The following FRMD4A variants were observed in gnomAD, a reference collection of about 807,000 sequenced individuals.
FRMD4A encodes FERM domain containing 4A, also known as FERM domain-containing protein 4A.
FRMD4A carries 29 observed loss-of-function variants against 129.1 expected under a neutral mutation model. The observed-to-expected ratio is 0.22, with a 90% CI of 0.17 to 0.31. FRMD4A has a LOEUF of 0.31. FRMD4A is among the 10% of genes least tolerant of loss of function. FRMD4A has a pLI of 1.00. For missense variants in FRMD4A, 1,272 were observed against 1,375.8 expected, an observed-to-expected ratio of 0.92 and a Z score of 1.19; for synonymous variants, 634 against 571.6, an observed-to-expected ratio of 1.11 and a Z score of -1.56.
intron 7 of FRMD4A, among the ~76,000 whole-genome samples, chr10:13,761,880 T>C (rs2092088388): frequency 1.3e-5 from 2 of 152,238 alleles, no homozygotes; most frequent in Non-Finnish European, 2.9e-5. Context: ...TCTAGAAACT[T>C]ATATACAAAG....
At chr10:13,905,606 T>C (rs1156252707) in intron 2 of FRMD4A, among the ~76,000 whole-genome samples, 2 of 152,336 alleles carry the variant, frequency 1.3e-5, no homozygotes, top group South Asian at 2.1e-4. Context: ...ATATCTACTA[T>C]TTGTTGAGTG....
At chr10:14,281,953 A>G (rs186108337) in intron 2 of FRMD4A, among the ~76,000 whole-genome samples, 1 of 152,324 alleles carries the variant, frequency 6.6e-6, no homozygotes, top group Admixed American at 6.5e-5. Flanking sequence ...TGGGTGATTT[A>G]TAAAGAAAAA....
chr10:13,999,405 A>G (rs1445520012), intron 2 of FRMD4A, among the ~76,000 whole-genome samples: 2 of 152,224 alleles, frequency 1.3e-5, no homozygotes, highest in African/African-American at 2.4e-5. Context: ...TTCCATTCCC[A>G]GGGATATCTG....
intron 2 of FRMD4A, among the ~76,000 whole-genome samples, chr10:14,215,822 C>T (rs761105430): frequency 1.8e-4 from 27 of 152,112 alleles, no homozygotes; most frequent in Non-Finnish European, 2.8e-4. Flanking sequence ...GTGAAATTAA[C>T]TATTTCACAC....
intron 2 of FRMD4A, among the ~76,000 whole-genome samples, chr10:14,128,039 T>C (rs10906601): frequency 0.2 from 18,465 of 94,618 alleles, 2,466 homozygotes; most frequent in Admixed American, 0.22. Context: ...TTCCTTCCTT[T>C]CTTTCCCTCT....
chr10:14,241,683 T>TAAAAAAAAAAAAA (rs71388168), intron 2 of FRMD4A, among the ~76,000 whole-genome samples: 6 of 23,416 alleles, frequency 2.6e-4, no homozygotes, highest in Non-Finnish European at 3.7e-4. Context: ...TTACCCTCCC[T>TAAAAAAAAAAAAA]AAAAAAAAAA....
chr10:14,221,422 C>G (rs1039711127), intron 2 of FRMD4A, among the ~76,000 whole-genome samples: 2 of 152,180 alleles, frequency 1.3e-5, no homozygotes, highest in Non-Finnish European at 1.5e-5. Flanking sequence ...ATACCAAATA[C>G]AGGCTCTTTT....
intron 2 of FRMD4A, among the ~76,000 whole-genome samples, chr10:14,215,577 G>C (rs1302920032): frequency 6.6e-6 from 1 of 152,062 alleles, no homozygotes; most frequent in African/African-American, 2.4e-5. Context: ...TTAAGGAAGT[G>C]GGGGGAAAAG....
At chr10:13,871,703 AGG>A (rs1662483278) in intron 2 of FRMD4A, among the ~76,000 whole-genome samples, 1 of 152,222 alleles carries the variant, frequency 6.6e-6, no homozygotes, top group Non-Finnish European at 1.5e-5. Context: ...GGGGACAGCC[AGG>A]GGGCTCTAAA....
At chr10:13,703,791 G>A (rs1163356302) in intron 13 of FRMD4A, among the ~76,000 whole-genome samples, 1 of 152,184 alleles carries the variant, frequency 6.6e-6, no homozygotes, top group African/African-American at 2.4e-5. Flanking sequence ...TGGATCACGA[G>A]GTCAAGAGAT....
chr10:14,183,630 A>C (rs1330974098), intron 2 of FRMD4A, among the ~76,000 whole-genome samples: 4 of 152,178 alleles, frequency 2.6e-5, no homozygotes, highest in African/African-American at 4.8e-5. Flanking sequence ...CACTGTGTCA[A>C]AATAATGAAA....
intron 2 of FRMD4A, among the ~76,000 whole-genome samples, chr10:14,188,912 A>T (rs1003918747): frequency 6.6e-6 from 1 of 152,198 alleles, no homozygotes; most frequent in African/African-American, 2.4e-5. Flanking sequence ...TCTCAAAAAC[A>T]AAACCAAACA....
At chr10:13,941,005 G>A (rs551758246) in intron 2 of FRMD4A, among the ~76,000 whole-genome samples, 1 of 152,302 alleles carries the variant, frequency 6.6e-6, no homozygotes, top group South Asian at 2.1e-4. Context: ...TCAGAAAGAG[G>A]ACGGGGAAAG....
intron 2 of FRMD4A, among the ~76,000 whole-genome samples, chr10:13,912,117 C>T (rs1175055932): frequency 6.6e-6 from 1 of 152,136 alleles, no homozygotes; most frequent in Admixed American, 6.5e-5. Flanking sequence ...TTTTTCCTAA[C>T]AGTAAATATT....
intron 2 of FRMD4A, chr10:14,083,371 G>C (rs1310164660): frequency 1.3e-5 from 2 of 152,220 alleles, no homozygotes; most frequent in African/African-American, 4.8e-5. Context: ...AGTTGGTGAG[G>C]GATGGATTCA....
chr10:13,807,233 G>A (rs1478424027), intron 4 of FRMD4A, among the ~76,000 whole-genome samples: 6 of 152,322 alleles, frequency 3.9e-5, no homozygotes, highest in African/African-American at 1.2e-4. Context: ...ATGACCACCT[G>A]TATCTCTTTT....
At chr10:13,865,610 C>T (rs2094357290) in intron 2 of FRMD4A, among the ~76,000 whole-genome samples, 1 of 150,978 alleles carries the variant, frequency 6.6e-6, no homozygotes, top group Non-Finnish European at 1.5e-5. Flanking sequence ...ACCACCATGC[C>T]CAGCTAACTG....
chr10:14,330,774 C>T lies in FRMD4A; in HGVS notation c.-259G>A. On this transcript the variant is annotated 5_prime_UTR_variant, in exon 1 of 25. It adds an upstream start codon to the 5' untranslated region. Transcript: ENST00000357447. Reference sequence around the variant, plus strand: ...AGTCACTTAGGAACTGACCCTTCCACCTTCCCCAGATCTACTTTTCCTCTC... The same window carrying T: ...AGTCACTTAGGAACTGACCCTTCCATCTTCCCCAGATCTACTTTTCCTCTC... The T allele has an allele frequency of 1.3e-5, 5 of 398,852 alleles. No individual in the cohort carries two copies. The highest frequency in any genetic ancestry group is 2.2e-5 in the Non-Finnish European group (5 of 226,252). 24.7% of individuals were successfully genotyped at this position (398,852 alleles called of 1,614,324 possible).
intron 16 of FRMD4A, 85 bp downstream of exon 16, chr10:13,674,826 C>A: frequency 7.1e-7 from 1 of 1,400,148 alleles, no homozygotes; most frequent in Non-Finnish European, 1.0e-6. Flanking sequence ...AGTCAAATGA[C>A]ATCAAAAAGA....
Sources: allele counts gnomAD v4.1 joint callset (sites outside exome capture counted in the v4.1 genomes callset), GRCh38; gene constraint gnomAD v4.1.1; transcripts MANE v1.5; gene names NCBI Gene and HGNC (gene_info 2026-07-23, HGNC 2026-07-21).